CFAP61: variants seen among roughly 807,000 people sequenced by gnomAD.
The protein encoded by CFAP61 is cilia- and flagella-associated protein 61.
CFAP61 carries 107 observed loss-of-function variants against 135.6 expected under a neutral mutation model. The ratio of observed to expected loss-of-function variants is 0.79; its 90% CI spans 0.67 to 0.93. The LOEUF (loss-of-function observed/expected upper bound fraction) is 0.93, where lower values mean the gene tolerates loss of function less well. CFAP61 is among the 40% of genes least tolerant of loss of function. CFAP61 has a pLI of 0.00. For synonymous variants in CFAP61, 575 were observed against 578.5 expected (o/e 0.99, Z 0.09); for missense variants, 1,507 against 1,556.2 (o/e 0.97, Z 0.53).
rs1217105974 is a variant in CFAP61, at chr20:20,129,072, T to C, written c.860-13785T>C. 2.6e-5 allele frequency among the ~76,000 whole-genome samples: 4 copies of C among 151,648 alleles called. 1 individual carries two copies. The highest frequency in any genetic ancestry group is 7.3e-5 in the African/African-American group (3 of 41,020). Reference sequence around the variant, plus strand: ...TGACAGATTTTTCTTTTGGACTTCATACTAGAGTTATGAATAGATTGCACT... The same window carrying C: ...TGACAGATTTTTCTTTTGGACTTCACACTAGAGTTATGAATAGATTGCACT... On this transcript the variant is annotated intron_variant, in intron 8 of 26. Coordinates refer to ENST00000245957, the MANE Select transcript of CFAP61 (RefSeq NM_015585.4).
At chr20:20,200,902 G>T in intron 17 of CFAP61, 1 of 985,222 alleles carries the variant, frequency 1.0e-6, no homozygotes, top group Non-Finnish European at 1.2e-6. Context: ...GTGCACTGAG[G>T]GATGGGGAGG....
intron 13 of CFAP61, chr20:20,171,915 A>G: frequency 1.8e-6 from 1 of 559,360 alleles, no homozygotes; most frequent in Non-Finnish European, 3.2e-6. Context: ...CACCGTAGCC[A>G]CATTGCAGCC....
intron 13 of CFAP61, among the ~76,000 whole-genome samples, chr20:20,184,293 A>G (rs771642174): frequency 6.6e-6 from 1 of 152,240 alleles, no homozygotes. Flanking sequence ...TGCAAGCTTC[A>G]TGATTAGTTC....
intron 26 of CFAP61, among the ~76,000 whole-genome samples, chr20:20,344,208 G>A (rs1363859945): frequency 4.6e-5 from 7 of 152,190 alleles, no homozygotes; most frequent in Non-Finnish European, 7.3e-5. Flanking sequence ...CTGCAGAACC[G>A]TGGCCAGCCG....
chr20:20,312,167 C>A (rs988457326), intron 25 of CFAP61, among the ~76,000 whole-genome samples: 1 of 152,130 alleles, frequency 6.6e-6, no homozygotes, highest in Admixed American at 6.5e-5. Context: ...CAAGAAAATA[C>A]AACCCATAAT....
At chr20:20,114,304 G>T (rs918560229) in intron 8 of CFAP61, among the ~76,000 whole-genome samples, 3 of 152,074 alleles carry the variant, frequency 2.0e-5, no homozygotes, top group African/African-American at 7.2e-5. Flanking sequence ...AATCATTTTG[G>T]GGATCTTGAA....
chr20:20,345,482 T>C (rs1160444752), intron 26 of CFAP61, among the ~76,000 whole-genome samples: 1 of 152,240 alleles, frequency 6.6e-6, no homozygotes, highest in Non-Finnish European at 1.5e-5. Flanking sequence ...CAGGGAAGTA[T>C]ACAAGTTCAA....
At position 20,254,525 on chromosome 20, in the gene CFAP61, GA is replaced by G. The variant is rs1028098131; in HGVS notation, c.2328+2770del. Among the ~76,000 whole-genome samples the G allele has an allele frequency of 3.2e-4, 48 of 151,638 alleles. 2 individuals are homozygous for G. The highest frequency in any genetic ancestry group is 2.8e-3 in the Admixed American group (42 of 15,226). ...TTAAGCTCTTGCCCTTTTTACAACG[GA>G]AAAAAAATGAAATGAAGAAGTGATA... On this transcript the variant is annotated intron_variant, in intron 20 of 26. Transcript: ENST00000245957.
At chr20:20,125,627 T>A (rs1334448724) in intron 8 of CFAP61, among the ~76,000 whole-genome samples, 1 of 151,762 alleles carries the variant, frequency 6.6e-6, no homozygotes, top group Admixed American at 6.6e-5. Context: ...AAGCTTGTTT[T>A]ATGGCCTATC....
intron 13 of CFAP61, among the ~76,000 whole-genome samples, chr20:20,178,385 G>A (rs1030078501): frequency 2.0e-5 from 3 of 152,104 alleles, no homozygotes; most frequent in Non-Finnish European, 2.9e-5. Flanking sequence ...TCCGCTGCTT[G>A]CTCATTCTTG....
In CFAP61 at chr20:20,169,429, C is replaced by T; in HGVS notation, c.1354C>T (p.Leu452Phe). ...CAACACCTGCACCCTCGAGCAGGAC[C>T]TCTACGTCTTCCACCGGGCTGGATT... The part of the protein sequence containing the change: ...PFNTCTLEQD[L>F]YVFHRAGLLK... The change falls in exon 13 of 27, where the codon CTC (leucine) becomes TTC (phenylalanine). Residue 452 changes from leucine (L) to phenylalanine (F), a missense_variant. Physicochemically the swap from Leu to Phe is conservative, Grantham distance 22. Transcript: ENST00000245957. 2 of 1,613,800 alleles carry T rather than the reference C, an allele frequency of 1.2e-6. No homozygotes were observed. Among genetic ancestry groups the T allele is most frequent in the Non-Finnish European group, 1.7e-6 (2 of 1,179,866 alleles).
Position 20,196,624 on chromosome 20 carries a change from C to T in CFAP61, c.1645C>T (p.His549Tyr). 6.2e-7 allele frequency: 1 copy of T among 1,614,154 alleles called. No homozygotes were observed. The highest frequency in any genetic ancestry group is 8.5e-7 in the Non-Finnish European group (1 of 1,180,032). Reference protein sequence around the residue: ...YNIEDFIYFSHHQREEHGHMH... With the variant: ...YNIEDFIYFSYHQREEHGHMH... The stretch of plus-strand genomic sequence containing the variant: ...CATTGAAGATTTCATCTACTTCAGT[C>T]ACCACCAGCGCGAAGAACACGGGCA... The change falls in exon 16 of 27, where the codon CAC becomes TAC. Residue 549 changes from histidine (H) to tyrosine (Y), a missense_variant. Transcript: ENST00000245957.
rs566396095 is a variant in CFAP61, at chr20:20,117,615, TC to T, written c.859+18802del. Among the ~76,000 whole-genome samples, 83 of 152,302 alleles carry T rather than the reference TC, an allele frequency of 5.4e-4. 1 individual carries two copies. The East Asian group carries it at 0.013, about 24-fold the overall frequency. ...AAATTTTAGCATTGTTTTTTCTGTT[TC>T]TATGAAGAATGTCATTAGTATTTTG... On this transcript the variant is annotated intron_variant, in intron 8 of 26. Coordinates refer to ENST00000245957, the MANE Select transcript of CFAP61 (RefSeq NM_015585.4).
chr20:20,166,162 A>G (rs1325964684), intron 11 of CFAP61, among the ~76,000 whole-genome samples: 2 of 152,238 alleles, frequency 1.3e-5, no homozygotes, highest in African/African-American at 4.8e-5. Context: ...TTGGCTTTTC[A>G]AATGCACAGA....
chr20:20,283,977 T>A (rs1040235156), intron 22 of CFAP61, among the ~76,000 whole-genome samples: 1 of 152,226 alleles, frequency 6.6e-6, no homozygotes, highest in Admixed American at 6.5e-5. Context: ...CCTTACACAT[T>A]CACAGTTCAT....
intron 13 of CFAP61, among the ~76,000 whole-genome samples, chr20:20,185,883 C>A (rs1023599949): frequency 1.2e-4 from 19 of 152,084 alleles, no homozygotes; most frequent in African/African-American, 4.6e-4. Context: ...AGACCTTTTT[C>A]TCATGATTTT....
In CFAP61 at chr20:20,340,201, G is replaced by A. The variant is rs145066603; in HGVS notation, c.3423-1630G>A. On this transcript the variant is annotated intron_variant, in intron 25 of 26. Coordinates refer to ENST00000245957, the MANE Select transcript of CFAP61 (RefSeq NM_015585.4). ...TTAGAGTTGCTGGCAAGTGTGATGTGTATTGTTGTGTGGTTGGGAGAACAC... is the reference window on the plus strand; with the variant it reads ...TTAGAGTTGCTGGCAAGTGTGATGTATATTGTTGTGTGGTTGGGAGAACAC... Among the ~76,000 whole-genome samples the A allele has an allele frequency of 1.0e-3, 158 of 152,348 alleles. 3 individuals are homozygous for A. In the East Asian group the frequency reaches 0.023, roughly 22 times the overall value.
intron 2 of CFAP61, among the ~76,000 whole-genome samples, chr20:20,063,407 ATATGAT>A (rs554696979): frequency 1.1e-3 from 161 of 152,240 alleles, no homozygotes; most frequent in Non-Finnish European, 1.7e-3. Flanking sequence ...AACTAAAAAG[ATATGAT>A]TATGATTAAC....
chr20:20,243,707 G>A (rs1182028635), intron 18 of CFAP61, among the ~76,000 whole-genome samples: 1 of 152,092 alleles, frequency 6.6e-6, no homozygotes, highest in African/African-American at 2.4e-5. Context: ...AAAGTGCTGG[G>A]ATTACAGGTA....
Sources: gnomAD v4.1 joint callset for allele counts (sites outside exome capture counted in the v4.1 genomes callset) on GRCh38, gnomAD v4.1.1 for gene constraint, MANE v1.5 for transcripts, NCBI Gene and HGNC (gene_info 2026-07-23, HGNC 2026-07-21) for gene names.